Variants in PDE4D observed in about 807,000 individuals in gnomAD.
PDE4D encodes 3',5'-cyclic-AMP phosphodiesterase 4D.
Under a neutral mutation model 87.4 loss-of-function variants are expected in PDE4D, and 24 were observed. The ratio of observed to expected loss-of-function variants is 0.27; its 90% CI spans 0.20 to 0.39. The LOEUF (loss-of-function observed/expected upper bound fraction) is 0.39. Ranked by LOEUF, PDE4D falls within the 10% of genes least tolerant of loss-of-function variation. The pLI is 1.00. For synonymous variants in PDE4D, 384 were observed against 383.2 expected, an observed-to-expected ratio of 1.00 and a Z score of -0.02; for missense variants, 714 against 1,041.0, an observed-to-expected ratio of 0.69 and a Z score of 4.32.
intron 1 of PDE4D, among the ~76,000 whole-genome samples, chr5:59,645,414 T>A (rs1389468350): frequency 6.6e-6 from 1 of 152,236 alleles, no homozygotes; most frequent in African/African-American, 2.4e-5. Context: ...ATTTTGCCTA[T>A]ATCACACTTT....
intron 1 of PDE4D, among the ~76,000 whole-genome samples, chr5:59,259,572 A>G (rs1297976827): frequency 6.6e-6 from 1 of 151,870 alleles, no homozygotes; most frequent in Non-Finnish European, 1.5e-5. Flanking sequence ...CATCTGGCCT[A>G]CTCCTGATGC....
chr5:60,105,569 C>T (rs138185191), intron 2 of PDE4D, among the ~76,000 whole-genome samples: 111 of 152,096 alleles, frequency 7.3e-4, no homozygotes, highest in African/African-American at 2.6e-3. Context: ...GTCAGATTCA[C>T]CAAAGTTGAA....
At chr5:59,131,677 A>G (rs1340117711) in intron 5 of PDE4D, among the ~76,000 whole-genome samples, 2 of 149,594 alleles carry the variant, frequency 1.3e-5, no homozygotes, top group Non-Finnish European at 3.0e-5. Context: ...CCCCCATGGG[A>G]GATGACTGCC....
At chr5:59,548,605 GA>G (rs1447476399) in intron 1 of PDE4D, among the ~76,000 whole-genome samples, 1 of 152,128 alleles carries the variant, frequency 6.6e-6, no homozygotes, top group African/African-American at 2.4e-5. Flanking sequence ...GTGCTACAGA[GA>G]AAAATAATGC....
At chr5:59,830,555 A>G (rs961573469) in intron 1 of PDE4D, among the ~76,000 whole-genome samples, 12 of 152,074 alleles carry the variant, frequency 7.9e-5, no homozygotes, top group Non-Finnish European at 1.8e-4. Flanking sequence ...TTTCAATCAG[A>G]TATCTTTGTT....
At chr5:59,256,676 T>C (rs1392820777) in intron 1 of PDE4D, among the ~76,000 whole-genome samples, 3 of 152,086 alleles carry the variant, frequency 2.0e-5, no homozygotes, top group African/African-American at 7.2e-5. Context: ...CTCCTTTTCC[T>C]TCCCTCCACT....
chr5:59,128,894 T>C (rs1311462146), intron 5 of PDE4D, among the ~76,000 whole-genome samples: 1 of 152,170 alleles, frequency 6.6e-6, no homozygotes, highest in Non-Finnish European at 1.5e-5. Context: ...CTTCTACCTT[T>C]AAGTGAGGAA....
At chr5:60,188,158 T>G (rs1039624580) in intron 1 of PDE4D, 1 of 152,158 alleles carries the variant, frequency 6.6e-6, no homozygotes, top group Non-Finnish European at 1.5e-5. Flanking sequence ...CTAACCAGTA[T>G]GAATAATCTA....
chr5:60,458,758 C>CA (rs138802800), intron 1 of PDE4D, among the ~76,000 whole-genome samples: 26,844 of 151,806 alleles, frequency 0.18, 3,819 homozygotes, highest in African/African-American at 0.39. Context: ...GCACCACACC[C>CA]GGACTCATGG....
chr5:59,610,169 A>G (rs1828801851), intron 1 of PDE4D, among the ~76,000 whole-genome samples: 1 of 152,220 alleles, frequency 6.6e-6, no homozygotes, highest in African/African-American at 2.4e-5. Flanking sequence ...ACAAAGTGAC[A>G]TCCTGGGCAG....
At chr5:60,407,072 C>A (rs1158499194) in intron 1 of PDE4D, among the ~76,000 whole-genome samples, 1 of 152,088 alleles carries the variant, frequency 6.6e-6, no homozygotes, top group Non-Finnish European at 1.5e-5. Flanking sequence ...AAGCGGAGGC[C>A]AAGCAAGATG....
chr5:59,450,425 T>C (rs1798968531), intron 1 of PDE4D, among the ~76,000 whole-genome samples: 1 of 152,176 alleles, frequency 6.6e-6, no homozygotes, highest in South Asian at 2.1e-4. Context: ...AGTTTAGCAC[T>C]GAGTACACTG....
intron 2 of PDE4D, among the ~76,000 whole-genome samples, chr5:60,132,047 C>A (rs187664816): frequency 6.6e-6 from 1 of 152,254 alleles, no homozygotes; most frequent in Non-Finnish European, 1.5e-5. Context: ...GGCCTTTTCC[C>A]CATTCTCTTT....
At chr5:60,053,920 C>T (rs145362927) in intron 2 of PDE4D, among the ~76,000 whole-genome samples, 3 of 152,206 alleles carry the variant, frequency 2.0e-5, no homozygotes, top group East Asian at 3.9e-4. Flanking sequence ...ATGCGGCCAA[C>T]AAACATATAA....
At chr5:59,574,113 TA>T in intron 1 of PDE4D, among the ~76,000 whole-genome samples, 1 of 4,976 alleles carries the variant, frequency 2.0e-4, no homozygotes, top group Non-Finnish European at 5.4e-4. Flanking sequence ...TTTATATATA[TA>T]TATAAATATA....
intron 1 of PDE4D, among the ~76,000 whole-genome samples, chr5:59,817,608 G>C (rs1769121834): frequency 6.6e-6 from 1 of 152,108 alleles, no homozygotes. Flanking sequence ...TGAAGATAGG[G>C]CTTTTAGTCA....
chr5:59,496,002 C>G (rs893436537), intron 1 of PDE4D, among the ~76,000 whole-genome samples: 1 of 152,130 alleles, frequency 6.6e-6, no homozygotes, highest in East Asian at 1.9e-4. Flanking sequence ...CTTTCTGTAT[C>G]CCGGGTTCTT....
intron 1 of PDE4D, among the ~76,000 whole-genome samples, chr5:59,274,271 T>G (rs1764388905): frequency 2.0e-5 from 3 of 152,142 alleles, no homozygotes; most frequent in Admixed American, 2.0e-4. Context: ...CATCTATAAT[T>G]TATTAAAACT....
At chr5:59,354,727 T>C (rs144465868) in intron 1 of PDE4D, among the ~76,000 whole-genome samples, 2 of 152,324 alleles carry the variant, frequency 1.3e-5, no homozygotes, top group African/African-American at 4.8e-5. Context: ...ATTCAACTTA[T>C]GATAGATATG....
Sources: allele counts gnomAD v4.1 joint callset (sites outside exome capture counted in the v4.1 genomes callset), GRCh38; gene constraint gnomAD v4.1.1; transcripts MANE v1.5; gene names NCBI Gene and HGNC (gene_info 2026-07-23, HGNC 2026-07-21).